The following SCARB1 variants were observed in gnomAD, a reference collection of about 807,000 sequenced individuals.
The protein encoded by SCARB1 is scavenger receptor class B member 1.
SCARB1 carries 30 observed loss-of-function variants against 57.2 expected under a neutral mutation model. The observed-to-expected ratio is 0.52, with a 90% CI of 0.39 to 0.71. The LOEUF is 0.71. Ranked by LOEUF, SCARB1 falls within the 30% of genes least tolerant of loss-of-function variation. The pLI, the probability that SCARB1 is intolerant of heterozygous loss-of-function variation, is 0.00. For missense variants in SCARB1, 543 were observed against 671.2 expected (o/e 0.81, Z 2.11); for synonymous variants, 249 against 268.3 (o/e 0.93, Z 0.70).
chr12:124,841,178 T>C (rs555125080), intron 1 of SCARB1, among the ~76,000 whole-genome samples: 2 of 152,262 alleles, frequency 1.3e-5, no homozygotes, highest in East Asian at 3.9e-4. Context: ...GAGACCATGC[T>C]GGCTAACACG....
chr12:124,843,992 G>A (rs1038294808), intron 1 of SCARB1, among the ~76,000 whole-genome samples: 2 of 152,166 alleles, frequency 1.3e-5, no homozygotes, highest in African/African-American at 2.4e-5. Context: ...CTTCTGGAAG[G>A]CATGTTGGGT....
At position 124,796,773 on chromosome 12, in the gene SCARB1, G is replaced by A. The variant is rs887820840; in HGVS notation, c.1129-1505C>T. ...AGAGCTCATTAAAGGCCTCACTTAC[G>A]CCCACGACTGGGGAGTGCTTGCCCT... On this transcript the variant is annotated intron_variant, in intron 8 of 12. Coordinates refer to ENST00000261693, the MANE Select transcript of SCARB1 (RefSeq NM_005505.5). This position sits in a 1 kb window ranked among gnomAD's most constrained non-coding sequence, Gnocchi z 4.0. Among the ~76,000 whole-genome samples the A allele has an allele frequency of 1.9e-4, 29 of 152,280 alleles. No individual in the cohort carries two copies. The highest frequency in any genetic ancestry group is 3.4e-3 in the Middle Eastern group (1 of 294).
intron 8 of SCARB1, among the ~76,000 whole-genome samples, chr12:124,797,492 C>A (rs1949982313): frequency 6.6e-6 from 1 of 152,224 alleles, no homozygotes; most frequent in Non-Finnish European, 1.5e-5. Flanking sequence ...AAGGCCACTT[C>A]CTCTCCCCGT....
intron 8 of SCARB1, among the ~76,000 whole-genome samples, chr12:124,797,153 C>T (rs1949969207): frequency 6.6e-6 from 1 of 152,096 alleles, no homozygotes; most frequent in Non-Finnish European, 1.5e-5. Context: ...TTGCTAAAGA[C>T]ATTAAGTGCA....
At chr12:124,863,056 AT>A (rs1461357880) in intron 1 of SCARB1, among the ~76,000 whole-genome samples, 4 of 152,054 alleles carry the variant, frequency 2.6e-5, no homozygotes, top group African/African-American at 9.7e-5. Flanking sequence ...CTATGGGGAG[AT>A]TCTGGGCAGT....
intron 1 of SCARB1, among the ~76,000 whole-genome samples, chr12:124,862,906 C>A (rs1462561110): frequency 6.6e-6 from 1 of 152,184 alleles, no homozygotes; most frequent in Admixed American, 6.5e-5. Context: ...CCTAAGGCTG[C>A]GTGCACTCAG....
chr12:124,825,931 C>T (rs765670835), intron 1 of SCARB1, among the ~76,000 whole-genome samples: 50 of 152,000 alleles, frequency 3.3e-4, no homozygotes, highest in Admixed American at 6.6e-4. Flanking sequence ...GGTCACAGGG[C>T]GCAAAGCTGC....
At chr12:124,779,878 C>T (rs1047074329) in intron 12 of SCARB1, among the ~76,000 whole-genome samples, 13 of 152,152 alleles carry the variant, frequency 8.5e-5, no homozygotes, top group Non-Finnish European at 1.3e-4. Flanking sequence ...CTGAGCCAGG[C>T]GCGGGGGAGG....
At position 124,789,473 on chromosome 12, in the gene SCARB1, A is replaced by G. The variant is rs140966528; in HGVS notation, c.1203-2016T>C. Among the ~76,000 whole-genome samples, 1 of 152,164 alleles carries G rather than the reference A, an allele frequency of 6.6e-6. No homozygotes were observed. The highest frequency in any genetic ancestry group is 1.5e-5 in the Non-Finnish European group (1 of 68,036). On this transcript the variant is annotated intron_variant, in intron 9 of 12. Transcript: ENST00000261693. The surrounding 1 kb of genome is among the most constrained non-coding windows in gnomAD (Gnocchi z 4.4). ...CCACGACGAAGGGGACCGTGCAGACATGACTGCATCAAGGCTCTCAGATGG... is the reference window on the plus strand; with the variant it reads ...CCACGACGAAGGGGACCGTGCAGACGTGACTGCATCAAGGCTCTCAGATGG...
At chr12:124,841,340 C>T (rs928757440) in intron 1 of SCARB1, among the ~76,000 whole-genome samples, 3 of 151,424 alleles carry the variant, frequency 2.0e-5, no homozygotes, top group African/African-American at 7.3e-5. Flanking sequence ...CCACTGCACT[C>T]CCCCGCCTGG....
chr12:124,811,136 G>A (rs1158655903), intron 5 of SCARB1, among the ~76,000 whole-genome samples: 2 of 152,242 alleles, frequency 1.3e-5, no homozygotes, highest in Non-Finnish European at 2.9e-5. Context: ...ACATATAGGT[G>A]TGCACATGGG....
At chr12:124,790,692 T>G (rs1949693025) in intron 9 of SCARB1, among the ~76,000 whole-genome samples, 1 of 152,212 alleles carries the variant, frequency 6.6e-6, no homozygotes, top group African/African-American at 2.4e-5. Flanking sequence ...GCTCACCACT[T>G]GCCCCACACA....
At chr12:124,790,423 G>A (rs1263457083) in intron 9 of SCARB1, among the ~76,000 whole-genome samples, 3 of 152,080 alleles carry the variant, frequency 2.0e-5, no homozygotes, top group Admixed American at 6.6e-5. Flanking sequence ...CTAGGATTAA[G>A]GTCATGAGCT....
rs1951383062 is a variant in SCARB1, at chr12:124,831,400, A to C, written c.127-13693T>G. Among the ~76,000 whole-genome samples the C allele has an allele frequency of 2.6e-5, 4 of 152,154 alleles. No homozygotes were observed. The South Asian group carries it at 8.3e-4, about 32-fold the overall frequency. On this transcript the variant is annotated intron_variant, in intron 1 of 12. Transcript: ENST00000261693. ...CCAAAGTGCTGGGATTACAGACGTG[A>C]GCCACTGCGCCTGGCCTAAAGCAAA...
chr12:124,806,256 G>T (rs1279375669), intron 7 of SCARB1, among the ~76,000 whole-genome samples: 1 of 152,092 alleles, frequency 6.6e-6, no homozygotes, highest in African/African-American at 2.4e-5. Flanking sequence ...CAACCTGGAG[G>T]TAAAGCCATC....
rs992769633 is a variant in SCARB1, at chr12:124,796,680, T to C, written c.1129-1412A>G. ...GCCTAGGTTATTATCACGTACACTA[T>C]AGGGAAAGGATGTTTTCTTCATTAT... On this transcript the variant is annotated intron_variant, in intron 8 of 12. Transcript: ENST00000261693. The surrounding 1 kb of genome is among the most constrained non-coding windows in gnomAD (Gnocchi z 4.0). Among the ~76,000 whole-genome samples the C allele has an allele frequency of 1.3e-5, 2 of 152,170 alleles. No homozygotes were observed. Among genetic ancestry groups the C allele is most frequent in the African/African-American group, 4.8e-5 (2 of 41,436 alleles).
In SCARB1 at chr12:124,812,920, G is replaced by A. The variant is rs999920660; in HGVS notation, c.631-955C>T. ...CAAAAACGGCCAGGTACAGTGCACC[G>A]GACACAGTAAGAGCTCAAAATGATA... On this transcript the variant is annotated intron_variant, in intron 4 of 12. Coordinates refer to ENST00000261693, the MANE Select transcript of SCARB1 (RefSeq NM_005505.5). The surrounding 1 kb of genome is among the most constrained non-coding windows in gnomAD (Gnocchi z 4.3). Among the ~76,000 whole-genome samples, 11 of 152,082 alleles carry A rather than the reference G, an allele frequency of 7.2e-5. No homozygotes were observed. The highest frequency in any genetic ancestry group is 1.9e-4 in the East Asian group (1 of 5,194).
intron 10 of SCARB1, among the ~76,000 whole-genome samples, chr12:124,786,770 C>T (rs1218858579): frequency 6.6e-6 from 1 of 152,226 alleles, no homozygotes; most frequent in Non-Finnish European, 1.5e-5. Context: ...CGTGACTCTC[C>T]ATCTCGTTCC....
At chr12:124,816,619 G>C (rs1950726501) in intron 2 of SCARB1, among the ~76,000 whole-genome samples, 1 of 152,110 alleles carries the variant, frequency 6.6e-6, no homozygotes, top group Non-Finnish European at 1.5e-5. Flanking sequence ...CCCATCCCTG[G>C]AACACCGTGT....
Sources: allele counts gnomAD v4.1 joint callset (sites outside exome capture counted in the v4.1 genomes callset), GRCh38; gene constraint gnomAD v4.1.1; non-coding constraint Gnocchi (gnomAD v3.1); transcripts MANE v1.5; gene names NCBI Gene and HGNC (gene_info 2026-07-23, HGNC 2026-07-21).